The following AGO3 variants were observed in gnomAD, a reference collection of about 807,000 sequenced individuals.
AGO3 encodes the protein protein argonaute-3.
AGO3 carries 16 observed loss-of-function variants against 105.5 expected under a neutral mutation model. The observed-to-expected ratio is 0.15, with a 90% CI of 0.10 to 0.23. AGO3 has a LOEUF of 0.23. Ranked by LOEUF, AGO3 falls within the 10% of genes least tolerant of loss-of-function variation. AGO3 has a pLI of 1.00. For missense variants in AGO3, 534 were observed against 1,088.0 expected, an observed-to-expected ratio of 0.49 and a Z score of 7.16; for synonymous variants, 340 against 367.3, an observed-to-expected ratio of 0.93 and a Z score of 0.85.
At chr1:36,010,224 C>T (rs974482593) in intron 9 of AGO3, among the ~76,000 whole-genome samples, 2 of 151,938 alleles carry the variant, frequency 1.3e-5, no homozygotes, top group African/African-American at 2.4e-5. Context: ...CAGGCGTGAG[C>T]CACCGCACCC....
chr1:36,046,774 T>C (rs1181494557), intron 17 of AGO3, among the ~76,000 whole-genome samples: 1 of 151,790 alleles, frequency 6.6e-6, no homozygotes, highest in Non-Finnish European at 1.5e-5. Flanking sequence ...AGCAGTGCCC[T>C]GCATATCAGG....
chr1:36,071,267 G>T lies in AGO3; in HGVS notation c.*15522G>T, dbSNP rs956000959. The T allele has an allele frequency of 6.6e-6, 1 of 152,140 alleles. No individual in the cohort carries two copies. Among genetic ancestry groups the T allele is most frequent in the Non-Finnish European group, 1.5e-5 (1 of 68,024 alleles). The allele number at this position is 152,140 out of a possible 1,614,324, so 9.4% of individuals were successfully genotyped here. A position where few individuals can be genotyped will look rare whatever the true frequency, so the allele number is the denominator to read the frequency against. On this transcript the variant is annotated 3_prime_UTR_variant, in exon 19 of 19. Transcript: ENST00000373191. ...AGGAAGAAATAGCATTCTTTTAAAAGGGGCTTTTCTGAAGAGTAAAATGTA... is the reference window on the plus strand; with the variant it reads ...AGGAAGAAATAGCATTCTTTTAAAATGGGCTTTTCTGAAGAGTAAAATGTA...
intron 17 of AGO3, among the ~76,000 whole-genome samples, chr1:36,051,976 A>G (rs1399732096): frequency 6.6e-6 from 1 of 152,204 alleles, no homozygotes; most frequent in African/African-American, 2.4e-5. Context: ...GGCAATGTAC[A>G]TTAGTACAGC....
In AGO3 at chr1:36,057,260, G is replaced by C. The variant is rs1268095874; in HGVS notation, c.*1515G>C. Reference sequence around the variant, plus strand: ...TGAAATTGAGTAGAGAGAAGAGTTTGTTGAGGGATTTTTTTGTTTTGTTTT... The same window carrying C: ...TGAAATTGAGTAGAGAGAAGAGTTTCTTGAGGGATTTTTTTGTTTTGTTTT... On this transcript the variant is annotated 3_prime_UTR_variant, in exon 19 of 19. Transcript: ENST00000373191. The C allele has an allele frequency of 6.6e-6, 1 of 151,954 alleles. No homozygotes were observed. Among genetic ancestry groups the C allele is most frequent in the African/African-American group, 2.4e-5 (1 of 41,394 alleles). 9.4% of individuals were successfully genotyped at this position (151,954 alleles called of 1,614,324 possible).
intron 5 of AGO3, among the ~76,000 whole-genome samples, chr1:35,986,629 A>G (rs1407099136): frequency 6.6e-6 from 1 of 152,074 alleles, no homozygotes; most frequent in East Asian, 1.9e-4. Context: ...TGGAGGTTGC[A>G]GTGAGCTGAG....
At chr1:35,994,334 T>A (rs1173877371) in intron 5 of AGO3, among the ~76,000 whole-genome samples, 2 of 152,044 alleles carry the variant, frequency 1.3e-5, no homozygotes, top group Admixed American at 1.3e-4. Context: ...TTGACACATT[T>A]TAAACATTCT....
intron 2 of AGO3, among the ~76,000 whole-genome samples, chr1:35,946,216 C>T (rs996563975): frequency 1.3e-5 from 2 of 152,182 alleles, no homozygotes; most frequent in Non-Finnish European, 2.9e-5. Context: ...GTACCACTTT[C>T]ATAATGTTCC....
At chr1:36,006,761 C>T (rs981503446) in intron 6 of AGO3, among the ~76,000 whole-genome samples, 2 of 152,178 alleles carry the variant, frequency 1.3e-5, no homozygotes, top group Admixed American at 1.3e-4. Context: ...CTCACTGATT[C>T]AAGGAGGAGC....
chr1:36,037,627 A>G (rs1642069409), intron 14 of AGO3, among the ~76,000 whole-genome samples: 1 of 152,224 alleles, frequency 6.6e-6, no homozygotes, highest in African/African-American at 2.4e-5. Flanking sequence ...AAATGATAGT[A>G]ATATTTAAAT....
intron 17 of AGO3, among the ~76,000 whole-genome samples, chr1:36,044,781 C>A (rs913233524): frequency 2.6e-5 from 4 of 152,138 alleles, no homozygotes; most frequent in Admixed American, 1.3e-4. Context: ...TTTTCTTATT[C>A]TTTCCAGAAA....
At chr1:36,033,491 A>T (rs917402756) in intron 12 of AGO3, among the ~76,000 whole-genome samples, 1 of 151,816 alleles carries the variant, frequency 6.6e-6, no homozygotes, top group African/African-American at 2.4e-5. Context: ...TTAAATAAAA[A>T]AAAAAAGGCT....
In AGO3 at chr1:36,026,965, G is replaced by A. The variant is rs550007433; in HGVS notation, c.1407-149G>A. On this transcript the variant is annotated intron_variant, in intron 11 of 18. Transcript: ENST00000373191. ...AAATGGATTACTGACAGACCATTAC[G>A]CTTAACATCAGTAGTCTGGTGACCT... The A allele has an allele frequency of 1.7e-5, 14 of 840,650 alleles. No individual in the cohort carries two copies. In the East Asian group the frequency reaches 2.0e-4, roughly 12 times the overall value. 52.1% of individuals were successfully genotyped at this position (840,650 alleles called of 1,614,324 possible).
chr1:35,937,878 C>T (rs967903389), intron 1 of AGO3, among the ~76,000 whole-genome samples: 2 of 151,882 alleles, frequency 1.3e-5, no homozygotes, highest in South Asian at 2.1e-4. Flanking sequence ...CTGTTTACTA[C>T]GTAGCTTTGC....
intron 1 of AGO3, among the ~76,000 whole-genome samples, chr1:35,932,712 T>C (rs1571397649): frequency 6.6e-6 from 1 of 152,286 alleles, no homozygotes; most frequent in East Asian, 1.9e-4. Context: ...TATTCAGTTT[T>C]GATTTGTGTA....
rs527641832 is a variant in AGO3 at position 35,988,161 on chromosome 1, G to A, written c.658+14650G>A. Among the ~76,000 whole-genome samples the A allele has an allele frequency of 1.5e-4, 23 of 152,248 alleles. No homozygotes were observed. In the South Asian group the frequency reaches 4.8e-3, roughly 32 times the overall value. On this transcript the variant is annotated intron_variant, in intron 5 of 18. Transcript: ENST00000373191. ...TTGGTTTATTTTCTCCCCAGCTAATGTATTCAGGTATGATTAACAAGTAAA... is the reference window on the plus strand; with the variant it reads ...TTGGTTTATTTTCTCCCCAGCTAATATATTCAGGTATGATTAACAAGTAAA...
rs573047962 is a variant in AGO3 at position 35,971,112 on chromosome 1, TAA to T, written c.313-910_313-909del. Among the ~76,000 whole-genome samples the T allele has an allele frequency of 2.0e-3, 287 of 145,326 alleles. 2 individuals are homozygous for T. The highest frequency in any genetic ancestry group is 6.9e-3 in the African/African-American group (273 of 39,308). On this transcript the variant is annotated intron_variant, in intron 3 of 18. Transcript: ENST00000373191. ...TATATTATAAATTATAAATAATATA[TAA>T]ATTTATATTATAAATTATAAATTTA...
chr1:36,023,855 T>C (rs957879254), intron 11 of AGO3, among the ~76,000 whole-genome samples: 3 of 152,198 alleles, frequency 2.0e-5, no homozygotes, highest in Non-Finnish European at 4.4e-5. Flanking sequence ...GTTTCCTTAC[T>C]TTCCAAAATT....
rs1646667260 is a variant in AGO3 at position 35,961,100 on chromosome 1, A to G, written c.192-5855A>G. On this transcript the variant is annotated intron_variant, in intron 2 of 18. Transcript: ENST00000373191. The stretch of plus-strand genomic sequence containing the variant: ...CTGGGACTACGGGCACCCGCCACCA[A>G]GCCCTGCTAATTTTTTTTTTTTTTG... 2.0e-5 allele frequency among the ~76,000 whole-genome samples: 3 copies of G among 150,762 alleles called. No individual in the cohort carries two copies. In the South Asian group the frequency reaches 6.3e-4, roughly 32 times the overall value.
chr1:35,978,003 C>A (rs1404546179), intron 5 of AGO3, among the ~76,000 whole-genome samples: 2 of 152,150 alleles, frequency 1.3e-5, no homozygotes, highest in Non-Finnish European at 2.9e-5. Context: ...TAATCCTTAA[C>A]CTTTTTTCCT....
Sources: gnomAD v4.1 joint callset for allele counts (sites outside exome capture counted in the v4.1 genomes callset) on GRCh38, gnomAD v4.1.1 for gene constraint, MANE v1.5 for transcripts, NCBI Gene and HGNC (gene_info 2026-07-23, HGNC 2026-07-21) for gene names.